Variants in CFAP20DC observed in about 807,000 individuals in gnomAD.
The protein encoded by CFAP20DC is CFAP20 domain containing, also known as protein CFAP20DC.
Under a neutral mutation model 101.7 loss-of-function variants are expected in CFAP20DC, and 84 were observed. The ratio of observed to expected loss-of-function variants is 0.83; its 90% confidence interval spans 0.69 to 0.99. CFAP20DC has a LOEUF of 0.99. CFAP20DC is among the 50% of genes least tolerant of loss of function. CFAP20DC has a pLI of 0.00. For synonymous variants in CFAP20DC, 359 were observed against 351.2 expected (o/e 1.02, Z -0.25); for missense variants, 1,007 against 970.3 (o/e 1.04, Z -0.50).
At chr3:59,032,322 T>C (rs1374539275) in intron 4 of CFAP20DC, among the ~76,000 whole-genome samples, 1 of 150,868 alleles carries the variant, frequency 6.6e-6, no homozygotes, top group Non-Finnish European at 1.5e-5. Flanking sequence ...CATATCCCAG[T>C]GGCACCTGGA....
intron 4 of CFAP20DC, among the ~76,000 whole-genome samples, chr3:58,945,105 CTAT>C (rs2089168340): frequency 6.6e-6 from 1 of 152,124 alleles, no homozygotes; most frequent in African/African-American, 2.4e-5. Flanking sequence ...AAGATATCTA[CTAT>C]TATTATTATC....
intron 4 of CFAP20DC, among the ~76,000 whole-genome samples, chr3:59,028,760 G>A (rs1339277499): frequency 6.6e-6 from 1 of 152,148 alleles, no homozygotes; most frequent in Non-Finnish European, 1.5e-5. Context: ...CTAATTCTGA[G>A]GATTAATTGA....
intron 7 of CFAP20DC, among the ~76,000 whole-genome samples, chr3:58,872,660 A>G (rs547344977): frequency 6.6e-6 from 1 of 152,278 alleles, no homozygotes; most frequent in South Asian, 2.1e-4. Flanking sequence ...TAGGTAGGAG[A>G]GAAATTCCAT....
At chr3:58,958,503 C>T (rs1013968758) in intron 4 of CFAP20DC, among the ~76,000 whole-genome samples, 1 of 152,142 alleles carries the variant, frequency 6.6e-6, no homozygotes, top group South Asian at 2.1e-4. Context: ...ATGTTCAACT[C>T]TTTATGTGGA....
chr3:58,924,620 G>C (rs917575463), intron 5 of CFAP20DC, among the ~76,000 whole-genome samples: 1 of 152,114 alleles, frequency 6.6e-6, no homozygotes, highest in Non-Finnish European at 1.5e-5. Flanking sequence ...CCAAATGGTA[G>C]TTCTATTTTC....
chr3:58,804,076 C>T (rs1025495073), intron 15 of CFAP20DC, among the ~76,000 whole-genome samples: 3 of 152,096 alleles, frequency 2.0e-5, no homozygotes, highest in Admixed American at 6.6e-5. Flanking sequence ...CCTTCAATGG[C>T]GAGACTGGTT....
intron 11 of CFAP20DC, among the ~76,000 whole-genome samples, chr3:58,865,264 C>T (rs533457607): frequency 2.6e-5 from 4 of 152,042 alleles, no homozygotes; most frequent in African/African-American, 9.6e-5. Context: ...GCCTACAATG[C>T]AAAAGCAAAA....
At chr3:58,809,547 A>G (rs895235050) in intron 14 of CFAP20DC, among the ~76,000 whole-genome samples, 13 of 152,138 alleles carry the variant, frequency 8.5e-5, no homozygotes, top group African/African-American at 2.9e-4. Context: ...GGACGCATTC[A>G]AAGCAGTGTG....
rs1165235357 is a variant in CFAP20DC, at chr3:58,864,297, T to C, written c.1259-405A>G. 6.6e-6 allele frequency among the ~76,000 whole-genome samples: 1 copy of C among 152,224 alleles called. No homozygotes were observed. Among genetic ancestry groups the C allele is most frequent in the East Asian group, 1.9e-4 (1 of 5,190 alleles). On this transcript the variant is annotated intron_variant, in intron 11 of 16. Coordinates refer to ENST00000482387, the MANE Select transcript of CFAP20DC (RefSeq NM_001394063.1). The surrounding 1 kb of genome is among the most constrained non-coding windows in gnomAD (Gnocchi z 4.7). ...GGCAGGTAGTTAGGCTAAAATTTCT[T>C]GTTGTTGAAACAGATTTATCAAATA...
At chr3:58,926,587 A>G (rs1162395845) in intron 5 of CFAP20DC, among the ~76,000 whole-genome samples, 1 of 152,300 alleles carries the variant, frequency 6.6e-6, no homozygotes, top group Non-Finnish European at 1.5e-5. Context: ...TTCTCATTCA[A>G]TGACACTCAA....
chr3:58,733,888 T>C (rs963432557), intron 3 of CFAP20DC, among the ~76,000 whole-genome samples: 1 of 152,262 alleles, frequency 6.6e-6, no homozygotes, highest in Non-Finnish European at 1.5e-5. Flanking sequence ...ACATTTGTTT[T>C]AGCTTAGTCT....
At chr3:58,762,295 C>T in intron 15 of CFAP20DC, among the ~76,000 whole-genome samples, 1 of 152,120 alleles carries the variant, frequency 6.6e-6, no homozygotes, top group Non-Finnish European at 1.5e-5. Context: ...TATGTAATGG[C>T]CTTCTTTGTC....
At chr3:59,017,080 C>G (rs1395550075) in intron 4 of CFAP20DC, 1 of 152,042 alleles carries the variant, frequency 6.6e-6, no homozygotes, top group Non-Finnish European at 1.5e-5. Flanking sequence ...CCTGACTTAC[C>G]CTCTGAAATC....
chr3:58,867,138 T>C (rs1392332325), intron 10 of CFAP20DC, among the ~76,000 whole-genome samples: 1 of 152,162 alleles, frequency 6.6e-6, no homozygotes, highest in Non-Finnish European at 1.5e-5. Flanking sequence ...ATCTACTCTT[T>C]TATAAAAAGC....
chr3:58,958,425 A>C (rs2090838989), intron 4 of CFAP20DC, among the ~76,000 whole-genome samples: 1 of 152,196 alleles, frequency 6.6e-6, no homozygotes, highest in Non-Finnish European at 1.5e-5. Context: ...CTATTCACCA[A>C]ATGAGTTGAT....
At chr3:58,887,603 G>A (rs1303857013) in intron 6 of CFAP20DC, among the ~76,000 whole-genome samples, 2 of 152,176 alleles carry the variant, frequency 1.3e-5, no homozygotes, top group Non-Finnish European at 2.9e-5. Context: ...AAGCTTTTAT[G>A]GAAGATACAA....
chr3:58,751,244 AAT>A (rs2068540909), intron 16 of CFAP20DC, among the ~76,000 whole-genome samples: 1 of 152,228 alleles, frequency 6.6e-6, no homozygotes, highest in African/African-American at 2.4e-5. Context: ...CAAGTAGACA[AAT>A]CAAGATTTAG....
At chr3:58,816,937 A>T (rs1334456178) in intron 14 of CFAP20DC, among the ~76,000 whole-genome samples, 2 of 152,172 alleles carry the variant, frequency 1.3e-5, no homozygotes, top group Non-Finnish European at 1.5e-5. Context: ...ACGCAGCTGG[A>T]GATCTGAGAA....
chr3:58,909,710 TTTAAA>T (rs1279546476), intron 6 of CFAP20DC, among the ~76,000 whole-genome samples: 2 of 152,180 alleles, frequency 1.3e-5, no homozygotes, highest in Admixed American at 1.3e-4. Context: ...ACTTTCTTGT[TTTAAA>T]TTAAATTAAG....
Sources: gnomAD v4.1 joint callset for allele counts (sites outside exome capture counted in the v4.1 genomes callset) on GRCh38, gnomAD v4.1.1 for gene constraint, Gnocchi (gnomAD v3.1) non-coding constraint, MANE v1.5 for transcripts, NCBI Gene and HGNC (gene_info 2026-07-23, HGNC 2026-07-21) for gene names.